Variants in LIMK2 observed in about 807,000 individuals in gnomAD.
LIMK2 encodes LIM domain kinase 2.
LIMK2 carries 35 observed loss-of-function variants against 75.7 expected under a neutral mutation model. The ratio of observed to expected loss-of-function variants is 0.46; its 90% CI spans 0.35 to 0.61. LIMK2 has a LOEUF of 0.61. LIMK2 is among the 20% of genes least tolerant of loss of function. LIMK2 has a pLI of 0.00. For missense variants in LIMK2, 623 were observed against 831.0 expected, an observed-to-expected ratio of 0.75 and a Z score of 3.08; for synonymous variants, 301 against 319.2, an observed-to-expected ratio of 0.94 and a Z score of 0.61.
chr22:31,263,119 C>T (rs2048857538), intron 7 of LIMK2, among the ~76,000 whole-genome samples: 1 of 152,168 alleles, frequency 6.6e-6, no homozygotes, highest in Non-Finnish European at 1.5e-5. Flanking sequence ...GGAGTAGGGG[C>T]ACAGATAGGA....
intron 3 of LIMK2, chr22:31,258,793 T>C: frequency 2.5e-6 from 1 of 399,078 alleles, no homozygotes; most frequent in Non-Finnish European, 4.7e-6. Context: ...AGGGGCTACC[T>C]CCTATACCTG....
intron 8 of LIMK2, 87 bp downstream of exon 8, chr22:31,266,219 C>G (rs1001035339): frequency 3.0e-6 from 4 of 1,342,204 alleles, no homozygotes; most frequent in Non-Finnish European, 3.1e-6. Context: ...TTGGCCCCAC[C>G]CCACACCATG....
intron 1 of LIMK2, among the ~76,000 whole-genome samples, chr22:31,220,314 C>T (rs1252127872): frequency 6.6e-6 from 1 of 152,150 alleles, no homozygotes; most frequent in Non-Finnish European, 1.5e-5. Context: ...ATCTGGGAGC[C>T]AGAACAGTTA....
At chr22:31,214,063 C>T (rs957138345) in intron 1 of LIMK2, among the ~76,000 whole-genome samples, 5 of 152,224 alleles carry the variant, frequency 3.3e-5, no homozygotes, top group African/African-American at 7.2e-5. Flanking sequence ...GTGATCCGCC[C>T]GCTTCGGCCT....
chr22:31,215,834 CAAGCTGTTAT>C (rs1286466550), intron 1 of LIMK2, among the ~76,000 whole-genome samples: 1 of 152,176 alleles, frequency 6.6e-6, no homozygotes, highest in African/African-American at 2.4e-5. Flanking sequence ...ATTGATAAGA[CAAGCTGTTAT>C]AAGGCTTGCG....
chr22:31,277,089 G>A (rs1185433368), intron 15 of LIMK2: 1 of 1,613,844 alleles, frequency 6.2e-7, no homozygotes, highest in Non-Finnish European at 8.5e-7. Flanking sequence ...TCTCTGGCCT[G>A]CTGGACAAGA....
At chr22:31,257,052 T>TTTTTTTTTG in intron 2 of LIMK2, among the ~76,000 whole-genome samples, 1 of 73,412 alleles carries the variant, frequency 1.4e-5, no homozygotes, top group Non-Finnish European at 2.4e-5. Flanking sequence ...TTTTTTTTTT[T>TTTTTTTTTG]TTTTTTTTTT....
At chr22:31,270,567 G>T (rs1327945494) in intron 11 of LIMK2, among the ~76,000 whole-genome samples, 1 of 152,186 alleles carries the variant, frequency 6.6e-6, no homozygotes, top group African/African-American at 2.4e-5. Flanking sequence ...AGTGGTGGAG[G>T]CCTGGAGAGG....
intron 2 of LIMK2, among the ~76,000 whole-genome samples, chr22:31,238,410 G>T (rs1326768606): frequency 6.6e-6 from 1 of 152,166 alleles, no homozygotes; most frequent in Non-Finnish European, 1.5e-5. Flanking sequence ...AACAGGAAGG[G>T]TCTGGAAGTA....
At chr22:31,238,407 A>C (rs1475743901) in intron 2 of LIMK2, among the ~76,000 whole-genome samples, 2 of 152,194 alleles carry the variant, frequency 1.3e-5, no homozygotes, top group Non-Finnish European at 2.9e-5. Flanking sequence ...AATAACAGGA[A>C]GGGTCTGGAA....
At chr22:31,238,775 G>T (rs2048600982) in intron 2 of LIMK2, among the ~76,000 whole-genome samples, 1 of 152,172 alleles carries the variant, frequency 6.6e-6, no homozygotes, top group Admixed American at 6.5e-5. Context: ...TTAATGGCTT[G>T]CCTAAGATCA....
In LIMK2 at chr22:31,212,329, A is replaced by T. The variant is rs922833149; in HGVS notation, c.-80A>T. 11 of 1,290,364 alleles carry T rather than the reference A, an allele frequency of 8.5e-6. No homozygotes were observed. In the African/African-American group the frequency reaches 1.5e-4, roughly 18 times the overall value. 79.9% of individuals were successfully genotyped at this position (1,290,364 alleles called of 1,614,324 possible). Reference sequence around the variant, plus strand: ...CCGCGCCTGAGGCGGCGGCGGCAGGAGCTGAGGGGAGTTGTAGGGAACTGA... The same window carrying T: ...CCGCGCCTGAGGCGGCGGCGGCAGGTGCTGAGGGGAGTTGTAGGGAACTGA... On this transcript the variant is annotated 5_prime_UTR_variant, in exon 1 of 16. Coordinates refer to ENST00000331728, the MANE Select transcript of LIMK2 (RefSeq NM_005569.4).
At position 31,273,581 on chromosome 22, in the gene LIMK2, CT is replaced by C; in HGVS notation, c.1614+75del. The C allele has an allele frequency of 7.5e-6, 9 of 1,197,640 alleles. 1 individual carries two copies. The Middle Eastern group carries it at 1.7e-3, about 228-fold the overall frequency. The allele number at this position is 1,197,640 out of a possible 1,614,324, so 74.2% of individuals were successfully genotyped here. A position where few individuals can be genotyped will look rare whatever the true frequency, so the allele number is the denominator to read the frequency against. On this transcript the variant is annotated intron_variant, in intron 14 of 15. Transcript: ENST00000331728. Reference sequence around the variant, plus strand: ...CTGCCTTCCCTCGGAACTGGGGCATCTCCTCCTAGGGATGACTAGCTTGACT... The same window carrying C: ...CTGCCTTCCCTCGGAACTGGGGCATCCCTCCTAGGGATGACTAGCTTGACT...
At chr22:31,275,464 T>A in intron 15 of LIMK2, 156 bp downstream of exon 15, 1 of 671,120 alleles carries the variant, frequency 1.5e-6, no homozygotes, top group Non-Finnish European at 2.5e-6. Context: ...AACACATATG[T>A]ACAGGTTGGA....
At chr22:31,233,862 G>A (rs1289983708) in intron 2 of LIMK2, among the ~76,000 whole-genome samples, 1 of 152,038 alleles carries the variant, frequency 6.6e-6, no homozygotes, top group Non-Finnish European at 1.5e-5. Flanking sequence ...TTATATTTTG[G>A]TAGGTTTACT....
intron 2 of LIMK2, chr22:31,248,638 A>C (rs764258162): frequency 6.2e-7 from 1 of 1,613,424 alleles, no homozygotes; most frequent in South Asian, 1.1e-5. Context: ...CGGGCCTGTC[A>C]TGGTGGCCAT....
intron 1 of LIMK2, among the ~76,000 whole-genome samples, chr22:31,212,967 C>T (rs1271066722): frequency 1.3e-5 from 2 of 151,980 alleles, no homozygotes; most frequent in African/African-American, 4.8e-5. Flanking sequence ...TCTGGGAGTC[C>T]CCCGGGGCTG....
chr22:31,276,747 A>T, intron 15 of LIMK2: 1 of 1,559,498 alleles, frequency 6.4e-7, no homozygotes, highest in Non-Finnish European at 8.7e-7. Flanking sequence ...CCCGGCCCCC[A>T]GGCCAGGCAG....
chr22:31,259,080 C>G lies in LIMK2; in HGVS notation c.253-41C>G, dbSNP rs537330613. 3.3e-6 allele frequency: 4 copies of G among 1,208,824 alleles called. No individual in the cohort carries two copies. The South Asian group carries it at 4.9e-5, about 15-fold the overall frequency. 74.9% of individuals were successfully genotyped at this position (1,208,824 alleles called of 1,614,324 possible). A position where few individuals can be genotyped will look rare whatever the true frequency, so the allele number is the denominator to read the frequency against. ...CTCCAGCAACAGTGATAACTCACTT[C>G]CTTCCTCCCTTTGTACACCCTTCTC... On this transcript the variant is annotated intron_variant, in intron 3 of 15. Coordinates refer to ENST00000331728, the MANE Select transcript of LIMK2 (RefSeq NM_005569.4).
Sources: allele counts gnomAD v4.1 joint callset (sites outside exome capture counted in the v4.1 genomes callset), GRCh38; gene constraint gnomAD v4.1.1; transcripts MANE v1.5; gene names NCBI Gene and HGNC (gene_info 2026-07-23, HGNC 2026-07-21).